The following DLC1 variants were observed in gnomAD, a reference collection of about 807,000 sequenced individuals.
DLC1 encodes the protein DLC1 Rho GTPase activating protein.
In DLC1, 54 loss-of-function variants were observed where a neutral mutation model predicts 140.3. That is an observed-to-expected ratio of 0.38 (90% CI 0.31 to 0.48). The LOEUF is 0.48. Ranked by LOEUF, DLC1 falls within the 20% of genes least tolerant of loss-of-function variation. DLC1 has a pLI of 0.96. For missense variants in DLC1, 2,536 were observed against 1,907.0 expected, an observed-to-expected ratio of 1.33 and a Z score of -6.14; for synonymous variants, 986 against 728.1, an observed-to-expected ratio of 1.35 and a Z score of -5.70.
intron 3 of DLC1, among the ~76,000 whole-genome samples, chr8:13,400,788 A>G (rs1398924098): frequency 6.6e-6 from 1 of 152,178 alleles, no homozygotes; most frequent in Non-Finnish European, 1.5e-5. Context: ...ACCATCCTAG[A>G]TCTGCACAAA....
Position 13,119,979 on chromosome 8 carries a change from G to A in DLC1, c.1349-4322C>T, listed in dbSNP as rs190755619. On this transcript the variant is annotated intron_variant, in intron 5 of 17. Transcript: ENST00000276297. ...GATTTCTACATTCAAATGCCATAGT[G>A]AGAGAAGGAACAATTACTTACAAAA... Among the ~76,000 whole-genome samples the A allele has an allele frequency of 2.1e-3, 161 of 75,548 alleles. 1 individual carries two copies. The highest frequency in any genetic ancestry group is 4.1e-3 in the African/African-American group (153 of 37,038). 49.6% of individuals were successfully genotyped at this position (75,548 alleles called of 152,430 possible).
intron 4 of DLC1, among the ~76,000 whole-genome samples, chr8:13,352,220 G>A (rs1460831758): frequency 6.6e-6 from 1 of 152,188 alleles, no homozygotes; most frequent in South Asian, 2.1e-4. Context: ...CCGAACACAC[G>A]CACGGCCCTC....
At chr8:13,474,537 C>G (rs957145405) in intron 2 of DLC1, among the ~76,000 whole-genome samples, 1 of 152,186 alleles carries the variant, frequency 6.6e-6, no homozygotes, top group African/African-American at 2.4e-5. Flanking sequence ...GGTAGATCCA[C>G]CCACAACTTG....
intron 1 of DLC1, among the ~76,000 whole-genome samples, chr8:13,570,565 G>A (rs546678630): frequency 1.8e-4 from 27 of 147,442 alleles, no homozygotes; most frequent in Admixed American, 8.2e-4. Flanking sequence ...TTGTTCTTGC[G>A]ATAGTTTACT....
chr8:13,289,263 G>A (rs1411193034), intron 5 of DLC1, among the ~76,000 whole-genome samples: 5 of 151,960 alleles, frequency 3.3e-5, no homozygotes, highest in Non-Finnish European at 1.5e-5. Flanking sequence ...ATGCAGTGGT[G>A]TGATCATAGC....
intron 4 of DLC1, among the ~76,000 whole-genome samples, chr8:13,348,945 A>C (rs1254691807): frequency 6.6e-6 from 1 of 152,186 alleles, no homozygotes; most frequent in East Asian, 1.9e-4. Flanking sequence ...AAGTGCTCAG[A>C]AATTGGAGGC....
At chr8:13,304,502 T>C in intron 5 of DLC1, 1 of 254,724 alleles carries the variant, frequency 3.9e-6, no homozygotes, top group Non-Finnish European at 6.2e-6. Context: ...CTCTACTGCT[T>C]TAGTGTAAAG....
intron 1 of DLC1, among the ~76,000 whole-genome samples, chr8:13,521,776 A>G (rs73210022): frequency 0.062 from 9,447 of 152,182 alleles, 865 homozygotes; most frequent in East Asian, 0.4. Context: ...TAAAGTACAA[A>G]TATGCCTGTT....
chr8:13,468,362 C>CCATCCCCTCCCCTCT (rs1800046776), intron 2 of DLC1, among the ~76,000 whole-genome samples: 1 of 120,660 alleles, frequency 8.3e-6, no homozygotes, highest in Admixed American at 9.4e-5. Flanking sequence ...CCCTCCCCTC[C>CCATCCCCTCCCCTCT]CCTCCCCTCT....
rs1170957328 is a variant in DLC1 at position 13,295,951 on chromosome 8, T to TG, written c.1348+9317_1348+9318insC. On this transcript the variant is annotated intron_variant, in intron 5 of 17. Transcript: ENST00000276297. ...TCAGATAAGATTCTTTGTTTTTTTT[T>TG]TTTTTTTTTTTTTTTTTTGGAGACA... Among the ~76,000 whole-genome samples, 4 of 123,558 alleles carry TG rather than the reference T, an allele frequency of 3.2e-5. No individual in the cohort carries two copies. In the East Asian group the frequency reaches 7.1e-4, roughly 22 times the overall value. 81.1% of individuals were successfully genotyped at this position (123,558 alleles called of 152,430 possible).
chr8:13,404,915 G>C (rs144545896), intron 2 of DLC1, among the ~76,000 whole-genome samples: 479 of 152,214 alleles, frequency 3.1e-3, no homozygotes, highest in African/African-American at 0.011. Context: ...CCTGAGGCAA[G>C]AGAGTCGCTT....
chr8:13,602,110 T>C (rs1563469093), intron 1 of DLC1, among the ~76,000 whole-genome samples: 2 of 151,776 alleles, frequency 1.3e-5, no homozygotes, highest in Admixed American at 6.6e-5. Context: ...TAGCCTCAAA[T>C]AGCAGTTTAC....
intron 1 of DLC1, among the ~76,000 whole-genome samples, chr8:13,596,890 GT>G (rs1483821485): frequency 1.3e-5 from 2 of 152,002 alleles, no homozygotes; most frequent in East Asian, 3.9e-4. Flanking sequence ...TCATACAATT[GT>G]TCTATATTAT....
chr8:13,258,914 G>C (rs933156281), intron 5 of DLC1, among the ~76,000 whole-genome samples: 2 of 151,966 alleles, frequency 1.3e-5, no homozygotes, highest in Admixed American at 1.3e-4. Flanking sequence ...GAGGCGGGTG[G>C]ATCACGAGGT....
At chr8:13,361,244 C>T (rs1389648370) in intron 4 of DLC1, among the ~76,000 whole-genome samples, 2 of 151,938 alleles carry the variant, frequency 1.3e-5, no homozygotes, top group Admixed American at 6.6e-5. Context: ...AAAAACAATA[C>T]AAAACAAAAC....
At chr8:13,280,904 G>C (rs1428778206) in intron 5 of DLC1, among the ~76,000 whole-genome samples, 1 of 152,196 alleles carries the variant, frequency 6.6e-6, no homozygotes. Context: ...TAAGTCCTAT[G>C]AGTGATCCAG....
At chr8:13,376,572 G>T (rs1043428905) in intron 4 of DLC1, among the ~76,000 whole-genome samples, 3 of 152,204 alleles carry the variant, frequency 2.0e-5, no homozygotes, top group African/African-American at 7.2e-5. Flanking sequence ...TGAATAGAGA[G>T]TTAGAAATGT....
At chr8:13,205,719 G>A (rs929260378) in intron 5 of DLC1, among the ~76,000 whole-genome samples, 3 of 152,200 alleles carry the variant, frequency 2.0e-5, no homozygotes, top group African/African-American at 7.2e-5. Flanking sequence ...ACAGGCCGTG[G>A]GTTGGACAAG....
At chr8:13,516,342 T>G (rs889369395), upstream of DLC1, among the ~76,000 whole-genome samples, 4 of 152,158 alleles carry the variant, frequency 2.6e-5, no homozygotes, top group Non-Finnish European at 5.9e-5. Context: ...TATCCTGTTC[T>G]TCTCTGAAAT....
Sources: allele counts gnomAD v4.1 joint callset (sites outside exome capture counted in the v4.1 genomes callset), GRCh38; gene constraint gnomAD v4.1.1; transcripts MANE v1.5; gene names NCBI Gene and HGNC (gene_info 2026-07-23, HGNC 2026-07-21).